Variants in STS observed in about 807,000 individuals in gnomAD.
The protein encoded by STS is steroid sulfatase.
A neutral mutation model predicts 26.8 loss-of-function variants in STS; 7 were observed. That is an observed-to-expected ratio of 0.26 (90% CI 0.15 to 0.49). The LOEUF is 0.49. Among genes scored for constraint, STS ranks in the 20% least tolerant of loss-of-function variants. The probability of loss-of-function intolerance (pLI) is 0.98; values close to 1 mark genes in which losing one functional copy is unlikely to be tolerated. For synonymous variants in STS, 199 were observed against 189.4 expected (o/e 1.05, Z -0.42); for missense variants, 434 against 465.6 (o/e 0.93, Z 0.63).
chrX:7,155,453 A>G (rs1322670473), intron 1 of STS, among the ~76,000 whole-genome samples: 2 of 111,961 alleles, frequency 1.8e-5, no homozygotes, highest in Non-Finnish European at 3.8e-5. Context: ...TAGGTACCTC[A>G]AATAGTTAAG....
intron 1 of STS, among the ~76,000 whole-genome samples, chrX:7,180,226 C>A (rs572769656): frequency 9.0e-6 from 1 of 111,164 alleles, no homozygotes; most frequent in African/African-American, 3.3e-5. Context: ...TACAACTCAC[C>A]ATAATGTAGC....
At chrX:7,155,275 G>A (rs1933109773) in intron 1 of STS, among the ~76,000 whole-genome samples, 1 of 111,597 alleles carries the variant, frequency 9.0e-6, no homozygotes. Flanking sequence ...AGAAATACCA[G>A]ACTACTGTTC....
chrX:7,168,313 G>A (rs1933393134), intron 1 of STS, among the ~76,000 whole-genome samples: 1 of 111,475 alleles, frequency 9.0e-6, no homozygotes, highest in Non-Finnish European at 1.9e-5. Context: ...GATGTCTGGG[G>A]GAAACGGATA....
chrX:7,197,694 T>A (rs1241588524), intron 2 of STS, among the ~76,000 whole-genome samples: 1 of 111,731 alleles, frequency 9.0e-6, no homozygotes, highest in Admixed American at 9.5e-5. Context: ...ACACTCCCAG[T>A]TCTGGGTCTG....
Position 7,205,497 on chromosome X carries a change from G to T in STS, c.-5+14489G>T, listed in dbSNP as rs898607629. ...GAGGAGCAAATAGTGGGCACTCAGT[G>T]TATTCACTGACTTTATTCAGGGGCC... is the stretch of plus-strand genomic sequence containing the variant. On this transcript the variant is annotated intron_variant, in intron 2 of 10. Coordinates refer to ENST00000674429, the MANE Select transcript of STS (RefSeq NM_001320752.2). Among the ~76,000 whole-genome samples the T allele has an allele frequency of 4.5e-5, 5 of 111,910 alleles. No individual in the cohort carries two copies. In the Admixed American group the frequency reaches 4.7e-4, roughly 11 times the overall value.
At chrX:7,223,709 C>G (rs1921677423) in intron 2 of STS, among the ~76,000 whole-genome samples, 1 of 110,546 alleles carries the variant, frequency 9.0e-6, no homozygotes, top group Non-Finnish European at 1.9e-5. Context: ...TGTAGGTTGT[C>G]TATTTACTCT....
chrX:7,195,267 A>G (rs812452), intron 2 of STS, among the ~76,000 whole-genome samples: 35,591 of 110,417 alleles, frequency 0.32, 4,346 homozygotes, highest in Middle Eastern at 0.47. Flanking sequence ...CTCAACTTCT[A>G]CTCTTTTACC....
intron 7 of STS, among the ~76,000 whole-genome samples, chrX:7,281,804 C>G (rs749194897): frequency 1.2e-3 from 132 of 112,331 alleles, no homozygotes; most frequent in African/African-American, 4.0e-3. Flanking sequence ...TTAAAATAGA[C>G]TCTTTTAGGA....
At chrX:7,258,108 A>AGATG (rs1471719329) in intron 5 of STS, among the ~76,000 whole-genome samples, 3 of 20,220 alleles carry the variant, frequency 1.5e-4, no homozygotes, top group Non-Finnish European at 2.6e-4. Context: ...AAACAGACAT[A>AGATG]GATAGATAGA....
At chrX:7,312,478 G>A (rs1926524808) in intron 8 of STS, among the ~76,000 whole-genome samples, 1 of 111,363 alleles carries the variant, frequency 9.0e-6, no homozygotes. Flanking sequence ...GAATGAGTAG[G>A]GATATGGTTT....
At chrX:7,172,489 C>G (rs1174382210) in intron 1 of STS, among the ~76,000 whole-genome samples, 1 of 111,449 alleles carries the variant, frequency 9.0e-6, no homozygotes, top group East Asian at 2.8e-4. Flanking sequence ...AGACTGATTT[C>G]TCTTATAGGC....
chrX:7,352,447 C>G lies in STS; in HGVS notation c.*2186C>G, dbSNP rs930313517. 8.9e-6 allele frequency: 1 copy of G among 112,270 alleles called. No homozygotes were observed. The highest frequency in any genetic ancestry group is 3.2e-5 in the African/African-American group (1 of 30,913). The allele number at this position is 112,270 out of a possible 1,213,427, so 9.3% of individuals were successfully genotyped here. A position where few individuals can be genotyped will look rare whatever the true frequency, so the allele number is the denominator to read the frequency against. On this transcript the variant is annotated 3_prime_UTR_variant, in exon 11 of 11. Transcript: ENST00000674429. ...AAATAATTGAGATCACATTTCAGGACATTTGGAAATCAGGTCGATTTGTGG... is the reference window on the plus strand; with the variant it reads ...AAATAATTGAGATCACATTTCAGGAGATTTGGAAATCAGGTCGATTTGTGG...
At chrX:7,301,626 G>A (rs756088659) in intron 7 of STS, among the ~76,000 whole-genome samples, 28 of 111,297 alleles carry the variant, frequency 2.5e-4, no homozygotes, top group Non-Finnish European at 4.5e-4. Context: ...TGTGGGTTTG[G>A]ACAAAGGTAT....
chrX:7,346,174 C>A (rs185811684), intron 10 of STS, among the ~76,000 whole-genome samples: 1 of 112,003 alleles, frequency 8.9e-6, no homozygotes, highest in Non-Finnish European at 1.9e-5. Context: ...AACTTTTTCT[C>A]ACTTCAATTC....
chrX:7,206,895 G>C (rs747031768), intron 2 of STS, among the ~76,000 whole-genome samples: 1 of 112,252 alleles, frequency 8.9e-6, no homozygotes, highest in African/African-American at 3.2e-5. Flanking sequence ...CATTTTAATA[G>C]CTTAAAGTTT....
At chrX:7,160,606 A>G (rs1046622336) in intron 1 of STS, among the ~76,000 whole-genome samples, 7 of 111,703 alleles carry the variant, frequency 6.3e-5, no homozygotes, top group African/African-American at 2.3e-4. Flanking sequence ...AAATCAATTA[A>G]CCTCATATAT....
chrX:7,296,559 C>T (rs766853452), intron 7 of STS, among the ~76,000 whole-genome samples: 2 of 112,204 alleles, frequency 1.8e-5, no homozygotes, highest in East Asian at 5.6e-4. Context: ...TTTGGGTCTT[C>T]TCCCAGACAC....
At chrX:7,329,370 G>A (rs1265901647) in intron 9 of STS, among the ~76,000 whole-genome samples, 5 of 111,822 alleles carry the variant, frequency 4.5e-5, no homozygotes, top group Non-Finnish European at 9.4e-5. Flanking sequence ...TTATGTCAGC[G>A]GTGCTGACGT....
chrX:7,350,371 G>T lies in STS; in HGVS notation c.*110G>T, dbSNP rs369061432. On this transcript the variant is annotated 3_prime_UTR_variant, in exon 11 of 11. Coordinates refer to ENST00000674429, the MANE Select transcript of STS (RefSeq NM_001320752.2). The stretch of plus-strand genomic sequence containing the variant: ...TAACTCCATCTACACCTTGGATTTG[G>T]ACTGATTCTCCATTTTATCACCTGA... The T allele has an allele frequency of 6.5e-5, 68 of 1,042,362 alleles. No homozygotes were observed. In the East Asian group the frequency reaches 7.0e-4, roughly 11 times the overall value. The allele number at this position is 1,042,362 out of a possible 1,213,427, so 85.9% of individuals were successfully genotyped here.
Sources: allele counts gnomAD v4.1 joint callset (sites outside exome capture counted in the v4.1 genomes callset), GRCh38; gene constraint gnomAD v4.1.1; transcripts MANE v1.5; gene names NCBI Gene and HGNC (gene_info 2026-07-23, HGNC 2026-07-21).